The following LPP variants were observed in gnomAD, a reference collection of about 807,000 sequenced individuals.
LPP encodes LIM domain containing preferred translocation partner in lipoma.
LPP carries 38 observed loss-of-function variants against 60.4 expected under a neutral mutation model. That is an observed-to-expected ratio of 0.63 (90% CI 0.49 to 0.83). The LOEUF (loss-of-function observed/expected upper bound fraction) is 0.83. Among genes scored for constraint, LPP ranks in the 40% least tolerant of loss-of-function variants. The probability of loss-of-function intolerance (pLI) is 0.00; values close to 1 mark genes in which losing one functional copy is unlikely to be tolerated. For synonymous variants in LPP, 328 were observed against 290.8 expected (o/e 1.13, Z -1.30); for missense variants, 902 against 783.6 (o/e 1.15, Z -1.80).
At chr3:188,553,497 A>C (rs1828708559) in intron 6 of LPP, among the ~76,000 whole-genome samples, 1 of 152,134 alleles carries the variant, frequency 6.6e-6, no homozygotes, top group South Asian at 2.1e-4. Flanking sequence ...GAGGTGGATG[A>C]CCTGTCTATA....
intron 5 of LPP, among the ~76,000 whole-genome samples, chr3:188,501,164 T>A (rs1811724087): frequency 6.6e-6 from 1 of 152,222 alleles, no homozygotes; most frequent in African/African-American, 2.4e-5. Flanking sequence ...GACGTCTTTC[T>A]TATCTTTAAA....
At chr3:188,512,511 T>G (rs939179385) in intron 5 of LPP, among the ~76,000 whole-genome samples, 5 of 151,746 alleles carry the variant, frequency 3.3e-5, no homozygotes, top group Admixed American at 2.6e-4. Context: ...AAGGTTGCAG[T>G]GAGTGCCATT....
chr3:188,686,433 T>G (rs1246569320), intron 7 of LPP, among the ~76,000 whole-genome samples: 1 of 152,114 alleles, frequency 6.6e-6, no homozygotes, highest in Non-Finnish European at 1.5e-5. Flanking sequence ...GGGGAGAAAT[T>G]TAATGGGCAT....
intron 3 of LPP, among the ~76,000 whole-genome samples, chr3:188,361,761 T>C (rs1456927909): frequency 6.6e-6 from 1 of 151,886 alleles, no homozygotes; most frequent in Non-Finnish European, 1.5e-5. Flanking sequence ...AGAGATGGGG[T>C]TTTGCCATGT....
chr3:188,667,186 C>T (rs993602595), intron 7 of LPP, among the ~76,000 whole-genome samples: 5 of 151,988 alleles, frequency 3.3e-5, no homozygotes, highest in East Asian at 3.9e-4. Context: ...CTAAAATCTT[C>T]GGTAGGAGTT....
In LPP at chr3:188,225,520, C is replaced by T. The variant is rs1274668598; in HGVS notation, c.-74C>T. ...GCTCATCAGAGGGAAGATCTTTTTC[C>T]TCAATTGGTGAGTCCCGCACACAAA... On this transcript the variant is annotated 5_prime_UTR_variant, in exon 2 of 12. Transcript: ENST00000617246. The T allele has an allele frequency of 6.6e-6, 1 of 152,162 alleles. No individual in the cohort carries two copies. Among genetic ancestry groups the T allele is most frequent in the East Asian group, 1.9e-4 (1 of 5,196 alleles). The allele number at this position is 152,162 out of a possible 1,614,324, so 9.4% of individuals were successfully genotyped here. A position where few individuals can be genotyped will look rare whatever the true frequency, so the allele number is the denominator to read the frequency against.
At chr3:188,487,721 A>G (rs1259554700) in intron 5 of LPP, among the ~76,000 whole-genome samples, 2 of 152,206 alleles carry the variant, frequency 1.3e-5, no homozygotes, top group African/African-American at 2.4e-5. Context: ...GAAATGAGCC[A>G]TGGTAGAGCC....
intron 8 of LPP, among the ~76,000 whole-genome samples, chr3:188,757,789 T>C (rs532835807): frequency 5.3e-5 from 8 of 152,226 alleles, no homozygotes; most frequent in African/African-American, 1.9e-4. Flanking sequence ...CCCTAATTCG[T>C]TTTCTGCAAT....
chr3:188,695,875 T>C (rs1863133342), intron 7 of LPP, among the ~76,000 whole-genome samples: 3 of 152,208 alleles, frequency 2.0e-5, no homozygotes, highest in Admixed American at 2.0e-4. Flanking sequence ...TTCATATTTC[T>C]AAATGAATAT....
intron 9 of LPP, among the ~76,000 whole-genome samples, chr3:188,808,632 A>G (rs1345567548): frequency 6.6e-6 from 1 of 152,116 alleles, no homozygotes; most frequent in Non-Finnish European, 1.5e-5. Context: ...AGCCTGCACC[A>G]CAACAGATAC....
chr3:188,364,430 A>G (rs1026890895), intron 3 of LPP, among the ~76,000 whole-genome samples: 1 of 152,198 alleles, frequency 6.6e-6, no homozygotes, highest in Non-Finnish European at 1.5e-5. Context: ...AACCAGACAC[A>G]GCTTCTACAC....
intron 10 of LPP, among the ~76,000 whole-genome samples, chr3:188,868,924 G>T (rs1285342402): frequency 6.6e-6 from 1 of 152,208 alleles, no homozygotes; most frequent in Non-Finnish European, 1.5e-5. Context: ...TGTCAGCAAG[G>T]AGCTTGCCAG....
intron 4 of LPP, among the ~76,000 whole-genome samples, chr3:188,451,380 GA>G (rs1283213957): frequency 6.6e-6 from 1 of 152,070 alleles, no homozygotes; most frequent in Non-Finnish European, 1.5e-5. Context: ...TTCTGAGTGG[GA>G]AAAAAATCTC....
intron 5 of LPP, among the ~76,000 whole-genome samples, chr3:188,523,276 A>C (rs1819523976): frequency 6.6e-6 from 1 of 152,186 alleles, no homozygotes; most frequent in African/African-American, 2.4e-5. Flanking sequence ...TTTGGCTCCA[A>C]GGACCTGGGC....
At chr3:188,519,307 C>T (rs1818249604) in intron 5 of LPP, among the ~76,000 whole-genome samples, 1 of 152,184 alleles carries the variant, frequency 6.6e-6, no homozygotes, top group Non-Finnish European at 1.5e-5. Flanking sequence ...ATGTGATATT[C>T]CTGCCTGACT....
At chr3:188,154,773 T>TGCTGGGTGTATTGGACGTTGC (rs2148632579) in intron 1 of LPP, among the ~76,000 whole-genome samples, 1 of 152,312 alleles carries the variant, frequency 6.6e-6, no homozygotes, top group South Asian at 2.1e-4. Context: ...GCAGACCCTG[T>TGCTGGGTGTATTGGACGTTGC]GCTGGGTGTA....
chr3:188,648,944 C>G (rs954409116), intron 7 of LPP, among the ~76,000 whole-genome samples: 1 of 152,176 alleles, frequency 6.6e-6, no homozygotes, highest in Non-Finnish European at 1.5e-5. Context: ...GGTTTTTCCT[C>G]TTTTCTGTAA....
At chr3:188,753,064 TATACATAG>T in intron 8 of LPP, among the ~76,000 whole-genome samples, 1 of 152,202 alleles carries the variant, frequency 6.6e-6, no homozygotes, top group African/African-American at 2.4e-5. Context: ...GATTGAATTG[TATACATAG>T]AAACATGTGC....
chr3:188,406,127 C>T lies in LPP; in HGVS notation c.7C>T (p.His3Tyr), dbSNP rs866532237. 1 of 1,611,862 alleles carries T rather than the reference C, an allele frequency of 6.2e-7. No individual in the cohort carries two copies. The highest frequency in any genetic ancestry group is 8.5e-7 in the Non-Finnish European group (1 of 1,179,024). Residue 3 changes from histidine to tyrosine, a missense_variant, in exon 4 of 12, where the codon CAC becomes TAC. His to Tyr is a moderately conservative substitution (Grantham distance 83). Coordinates refer to ENST00000617246, the MANE Select transcript of LPP (RefSeq NM_001375462.1). ...TTCATTGCAGATTCCAACAATGTCTCACCCATCTTGGCTGCCACCCAAAAG... is the reference window on the plus strand; with the variant it reads ...TTCATTGCAGATTCCAACAATGTCTTACCCATCTTGGCTGCCACCCAAAAG... MS[H>Y]PSWLPPKSTG...
Sources: allele counts gnomAD v4.1 joint callset (sites outside exome capture counted in the v4.1 genomes callset), GRCh38; gene constraint gnomAD v4.1.1; transcripts MANE v1.5; gene names NCBI Gene and HGNC (gene_info 2026-07-23, HGNC 2026-07-21).